DACH2: variants seen among roughly 807,000 people sequenced by gnomAD.
DACH2 encodes the protein dachshund homolog 2.
DACH2 carries 17 observed loss-of-function variants against 35.8 expected under a neutral mutation model. That is an observed-to-expected ratio of 0.48 (90% CI 0.33 to 0.71). The LOEUF (loss-of-function observed/expected upper bound fraction) is 0.71. Among genes scored for constraint, DACH2 ranks in the 30% least tolerant of loss-of-function variants. The probability of loss-of-function intolerance (pLI) is 0.02; values close to 1 mark genes in which losing one functional copy is unlikely to be tolerated. For missense variants in DACH2, 469 were observed against 472.7 expected (o/e 0.99, Z 0.07); for synonymous variants, 195 against 177.3 (o/e 1.10, Z -0.79).
In DACH2 at chrX:86,474,363, G is replaced by C. The variant is rs192389115; in HGVS notation, c.528-39916G>C. 3.4e-3 allele frequency among the ~76,000 whole-genome samples: 378 copies of C among 111,484 alleles called. 2 individuals carry two copies. The highest frequency in any genetic ancestry group is 0.012 in the African/African-American group (365 of 30,715). ...TTGCTGTGCATAAGCATTTTAACTT[G>C]ATGTGATCATACTTATCAATTTTTA... On this transcript the variant is annotated intron_variant, in intron 2 of 11. Transcript: ENST00000373125.
chrX:86,553,634 G>A (rs1244117118), intron 3 of DACH2, among the ~76,000 whole-genome samples: 2 of 111,915 alleles, frequency 1.8e-5, no homozygotes, highest in Non-Finnish European at 3.8e-5. Flanking sequence ...CATAGTTAAT[G>A]GTAAGTAGAT....
chrX:86,593,726 C>G (rs2039678395), intron 3 of DACH2, among the ~76,000 whole-genome samples: 1 of 111,044 alleles, frequency 9.0e-6, no homozygotes, highest in African/African-American at 3.3e-5. Flanking sequence ...TGTGCCTGGA[C>G]AATATATTGT....
intron 2 of DACH2, among the ~76,000 whole-genome samples, chrX:86,473,272 T>C (rs758319966): frequency 6.7e-4 from 75 of 111,313 alleles, no homozygotes; most frequent in African/African-American, 2.4e-3. Flanking sequence ...ATGTGGTACA[T>C]GAGAAGTCTT....
At chrX:86,429,269 C>A (rs924210522) in intron 2 of DACH2, among the ~76,000 whole-genome samples, 1 of 111,566 alleles carries the variant, frequency 9.0e-6, no homozygotes, top group South Asian at 3.7e-4. Flanking sequence ...GAATCCCTTT[C>A]TGTGAATTCA....
chrX:86,232,832 C>T (rs1194714858), intron 1 of DACH2, among the ~76,000 whole-genome samples: 1 of 112,004 alleles, frequency 8.9e-6, no homozygotes, highest in Non-Finnish European at 1.9e-5. Context: ...CCAGCAATCT[C>T]ATTACTGGAT....
At chrX:86,606,745 T>C (rs1377209479) in intron 3 of DACH2, among the ~76,000 whole-genome samples, 2 of 111,639 alleles carry the variant, frequency 1.8e-5, no homozygotes, top group African/African-American at 6.5e-5. Flanking sequence ...CTGATGTTTA[T>C]TTGTTGATTT....
At chrX:86,752,016 A>G (rs1003719577) in intron 7 of DACH2, among the ~76,000 whole-genome samples, 1 of 111,571 alleles carries the variant, frequency 9.0e-6, no homozygotes, top group Non-Finnish European at 1.9e-5. Context: ...ATTTTCACTT[A>G]TAAGTTTGAG....
intron 1 of DACH2, among the ~76,000 whole-genome samples, chrX:86,241,041 A>G (rs1602315142): frequency 9.0e-6 from 1 of 111,399 alleles, no homozygotes; most frequent in East Asian, 2.8e-4. Flanking sequence ...GCAGTGGGAG[A>G]ATGGACTAAT....
chrX:86,711,173 C>T (rs2041273658), intron 5 of DACH2, among the ~76,000 whole-genome samples: 1 of 111,195 alleles, frequency 9.0e-6, no homozygotes, highest in Non-Finnish European at 1.9e-5. Context: ...GTCAGGAGTT[C>T]GAGACCAGCT....
intron 6 of DACH2, among the ~76,000 whole-genome samples, chrX:86,726,165 G>A (rs1361685338): frequency 1.8e-5 from 2 of 111,644 alleles, no homozygotes; most frequent in Non-Finnish European, 3.8e-5. Flanking sequence ...ACCATGCGCA[G>A]GTAGCTCTGG....
chrX:86,359,084 CGTGTGTGT>C (rs1556037574), intron 1 of DACH2, among the ~76,000 whole-genome samples: 38 of 98,516 alleles, frequency 3.9e-4, no homozygotes, highest in African/African-American at 1.3e-3. Flanking sequence ...TATATTTTGT[CGTGTGTGT>C]GTGTGTGTGT....
intron 1 of DACH2, among the ~76,000 whole-genome samples, chrX:86,162,788 G>C (rs1384950006): frequency 9.0e-6 from 1 of 111,082 alleles, no homozygotes; most frequent in East Asian, 2.8e-4. Flanking sequence ...TACTATTCCT[G>C]TTCTGTTTGA....
intron 2 of DACH2, among the ~76,000 whole-genome samples, chrX:86,504,933 G>T (rs998353442): frequency 4.5e-5 from 5 of 111,627 alleles, no homozygotes; most frequent in African/African-American, 1.6e-4. Context: ...AAAATAATGA[G>T]AAACAAATCT....
chrX:86,604,111 C>T (rs1468013533), intron 3 of DACH2, among the ~76,000 whole-genome samples: 1 of 111,101 alleles, frequency 9.0e-6, no homozygotes, highest in African/African-American at 3.3e-5. Flanking sequence ...TATTCTGCTG[C>T]TACTGGATGG....
intron 1 of DACH2, among the ~76,000 whole-genome samples, chrX:86,312,223 G>A (rs1344517052): frequency 8.9e-6 from 1 of 112,007 alleles, no homozygotes; most frequent in Non-Finnish European, 1.9e-5. Context: ...AAAATATTTT[G>A]ATTTTTTTCC....
chrX:86,819,070 A>C (rs1191784882), intron 11 of DACH2, among the ~76,000 whole-genome samples: 1 of 108,367 alleles, frequency 9.2e-6, no homozygotes, highest in Non-Finnish European at 1.9e-5. Flanking sequence ...ATATGTATAT[A>C]ATACATCTCT....
intron 11 of DACH2, chrX:86,827,852 A>G: frequency 9.5e-7 from 1 of 1,053,564 alleles, no homozygotes; most frequent in Non-Finnish European, 1.3e-6. Context: ...GTTGTAAATT[A>G]TTTAGAATTC....
At chrX:86,618,612 G>A (rs2040034743) in intron 3 of DACH2, among the ~76,000 whole-genome samples, 1 of 112,073 alleles carries the variant, frequency 8.9e-6, no homozygotes, top group Non-Finnish European at 1.9e-5. Context: ...ATACATAGAT[G>A]TAAACTATTA....
At chrX:86,495,275 G>T (rs1330074543) in intron 2 of DACH2, among the ~76,000 whole-genome samples, 1 of 108,835 alleles carries the variant, frequency 9.2e-6, no homozygotes, top group African/African-American at 3.4e-5. Context: ...GGCCAGGCTG[G>T]TCTTGAGCTC....
Sources: gnomAD v4.1 joint callset for allele counts (sites outside exome capture counted in the v4.1 genomes callset) on GRCh38, gnomAD v4.1.1 for gene constraint, MANE v1.5 for transcripts, NCBI Gene and HGNC (gene_info 2026-07-23, HGNC 2026-07-21) for gene names.